The following ZFP28 variants were observed in gnomAD, a reference collection of about 807,000 sequenced individuals.
ZFP28 encodes zinc finger protein 28 homolog.
ZFP28 carries 31 observed loss-of-function variants against 39.5 expected under a neutral mutation model. The ratio of observed to expected loss-of-function variants is 0.79; its 90% CI spans 0.59 to 1.06. ZFP28 has a LOEUF of 1.06. Ranked by LOEUF, ZFP28 falls within the 50% of genes least tolerant of loss-of-function variation. The probability of loss-of-function intolerance (pLI) is 0.00; values close to 1 mark genes in which losing one functional copy is unlikely to be tolerated. For missense variants in ZFP28, 925 were observed against 1,048.4 expected, an observed-to-expected ratio of 0.88 and a Z score of 1.63; for synonymous variants, 400 against 378.6, an observed-to-expected ratio of 1.06 and a Z score of -0.66.
chr19:56,550,026 G>T lies in ZFP28; in HGVS notation c.688-41G>T. 1.9e-6 allele frequency: 3 copies of T among 1,542,866 alleles called. No individual in the cohort carries two copies. In the South Asian group the frequency reaches 3.6e-5, roughly 18 times the overall value. The stretch of plus-strand genomic sequence containing the variant: ...TCCCACTGAGACCAGGTGAGTTCAC[G>T]AACATGGTTTGATTTAAAAAACGTG... On this transcript the variant is annotated intron_variant, in intron 5 of 7. Transcript: ENST00000301318.
At chr19:56,545,995 ACAGT>A (rs2044238282) in intron 2 of ZFP28, 1 of 152,256 alleles carries the variant, frequency 6.6e-6, no homozygotes, top group African/African-American at 2.4e-5. Context: ...GAGAGTTATG[ACAGT>A]CAGCATCATT....
intron 7 of ZFP28, chr19:56,551,587 G>A (rs1185716017): frequency 5.1e-6 from 5 of 985,222 alleles, no homozygotes; most frequent in Non-Finnish European, 6.0e-6. Context: ...TCCTGGATAT[G>A]AGCACCTGCT....
chr19:56,553,749 A>G lies in ZFP28; in HGVS notation c.964A>G (p.Thr322Ala), dbSNP rs142256121. 1.1e-4 allele frequency: 178 copies of G among 1,614,152 alleles called. No homozygotes were observed. In the African/African-American group the frequency reaches 2.2e-3, roughly 20 times the overall value. Residue 322 changes from threonine (T) to alanine (A), a missense_variant, in exon 8 of 8, where the codon ACA (threonine) becomes GCA (alanine). Thr to Ala is a moderately conservative substitution (Grantham distance 58, BLOSUM62 0). This residue lies in a region of ZFP28 where 556 missense variants were observed against 542.9 expected (regional missense o/e 1.02). Coordinates refer to ENST00000301318, the MANE Select transcript of ZFP28 (RefSeq NM_020828.2). ...GCAAGATTCATATGCTGAAGGGGTA[A>G]CAGACAGAACCTCAAACACTAAACT... ...PKQDSYAEGV[T>A]DRTSNTKLDC...
At chr19:56,543,672 A>C (rs900925322) in intron 2 of ZFP28, among the ~76,000 whole-genome samples, 1 of 152,192 alleles carries the variant, frequency 6.6e-6, no homozygotes, top group South Asian at 2.1e-4. Context: ...AAAAATGTGA[A>C]ACCCATTTTG....
chr19:56,539,237 C>A lies in ZFP28; in HGVS notation c.208+11C>A. On this transcript the variant is annotated intron_variant, in intron 1 of 7. Coordinates refer to ENST00000301318, the MANE Select transcript of ZFP28 (RefSeq NM_020828.2). Reference sequence around the variant, plus strand: ...GGCCTGGGCACAGAGGTGAGAGTGACAGGTGTTTGGGGCCGAGCGGACAGG... The same window carrying A: ...GGCCTGGGCACAGAGGTGAGAGTGAAAGGTGTTTGGGGCCGAGCGGACAGG... 1 of 1,588,338 alleles carries A rather than the reference C, an allele frequency of 6.3e-7. No individual in the cohort carries two copies. Among genetic ancestry groups the A allele is most frequent in the African/African-American group, 1.3e-5 (1 of 74,602 alleles).
upstream of ZFP28, chr19:56,538,120 G>A (rs781698371): frequency 2.6e-5 from 4 of 152,250 alleles, no homozygotes; most frequent in Non-Finnish European, 5.9e-5. Context: ...CAAATACATA[G>A]GTTACAAAAT....
chr19:56,550,611 T>C lies in ZFP28; in HGVS notation c.898+6T>C. 1 of 1,613,854 alleles carries C rather than the reference T, an allele frequency of 6.2e-7. No homozygotes were observed. Among genetic ancestry groups the C allele is most frequent in the Non-Finnish European group, 8.5e-7 (1 of 1,179,836 alleles). On this transcript the variant is annotated splice_donor_region_variant and intron_variant, in intron 7 of 7. Transcript: ENST00000301318. The stretch of plus-strand genomic sequence containing the variant: ...GACAGGAAGCCTGTTCTCAGGTGAG[T>C]GCAGGAGAGCCTGGTGTGGAAAATC...
Position 56,539,040 on chromosome 19 carries a change from A to G in ZFP28, c.22A>G (p.Ser8Gly). MRGAASA[S>G]VREPTPLPGR... The stretch of plus-strand genomic sequence containing the variant: ...TGACATGCGGGGGGCGGCGAGCGCG[A>G]GTGTCCGCGAGCCGACGCCGCTCCC... Residue 8 changes from serine (S) to glycine (G), a missense_variant, in exon 1 of 8, where the codon AGT (serine) becomes GGT (glycine). Ser to Gly is a moderately conservative substitution (Grantham distance 56, BLOSUM62 0). Around this residue, in one of 2 missense-constraint regions of ZFP28, gnomAD observed 556 missense variants for 542.9 expected, o/e 1.02. Coordinates refer to ENST00000301318, the MANE Select transcript of ZFP28 (RefSeq NM_020828.2). 1 of 1,340,406 alleles carries G rather than the reference A, an allele frequency of 7.5e-7. No individual in the cohort carries two copies. The highest frequency in any genetic ancestry group is 9.9e-7 in the Non-Finnish European group (1 of 1,009,822). The allele number at this position is 1,340,406 out of a possible 1,614,324, so 83.0% of individuals were successfully genotyped here.
At position 56,539,154 on chromosome 19, in the gene ZFP28, A is replaced by T. The variant is rs777607096; in HGVS notation, c.136A>T (p.Arg46Trp). The T allele has an allele frequency of 3.1e-6, 5 of 1,598,832 alleles. 1 individual carries two copies. In the South Asian group the frequency reaches 5.6e-5, roughly 18 times the overall value. The change falls in exon 1 of 8, where the codon AGG (arginine) becomes TGG (tryptophan). Residue 46 changes from arginine (R) to tryptophan (W), a missense_variant. This residue lies in a region of ZFP28 where 556 missense variants were observed against 542.9 expected (regional missense o/e 1.02). Transcript: ENST00000301318. ...CACCTTGGCCCTCCCTGCCCGGGGAAGGCCGCGCTCAAGGAATGGCCTCGC... is the reference window on the plus strand; with the variant it reads ...CACCTTGGCCCTCCCTGCCCGGGGATGGCCGCGCTCAAGGAATGGCCTCGC... ...PATLALPARG[R>W]PRSRNGLASK...
chr19:56,551,477 G>A (rs1454540451), intron 7 of ZFP28: 4 of 984,928 alleles, frequency 4.1e-6, no homozygotes, highest in African/African-American at 3.5e-5. Context: ...ATATACCATT[G>A]CTCACTTAGG....
chr19:56,547,677 G>T lies in ZFP28; in HGVS notation c.427+43G>T. The T allele has an allele frequency of 7.5e-7, 1 of 1,337,638 alleles. No homozygotes were observed. The highest frequency in any genetic ancestry group is 1.0e-6 in the Non-Finnish European group (1 of 969,216). 82.9% of individuals were successfully genotyped at this position (1,337,638 alleles called of 1,614,324 possible). A position where few individuals can be genotyped will look rare whatever the true frequency, so the allele number is the denominator to read the frequency against. ...TTTTCCCACCCCTCACCCTACCCAC[G>T]TCCTGGACTAAGAAGCCTTTCATGC... On this transcript the variant is annotated intron_variant, in intron 3 of 7. Transcript: ENST00000301318. This position sits in a 1 kb window ranked among gnomAD's most constrained non-coding sequence, Gnocchi z 4.6.
rs573372982 is a variant in ZFP28 at position 56,555,102 on chromosome 19, A to G, written c.2317A>G (p.Ser773Gly). 1.2e-6 allele frequency: 2 copies of G among 1,614,232 alleles called. No individual in the cohort carries two copies. The highest frequency in any genetic ancestry group is 1.1e-5 in the South Asian group (1 of 91,092). Residue 773 changes from serine (S) to glycine (G), a missense_variant, in exon 8 of 8, where the codon AGT becomes GGT. Ser to Gly is a moderately conservative substitution (Grantham distance 56). Around this residue, in one of 2 missense-constraint regions of ZFP28, gnomAD observed 369 missense variants for 505.5 expected, o/e 0.73. Transcript: ENST00000301318. ...GKAFSHRQSL[S>G]VHQRIHSGKK... ...AGCCTTTAGTCATCGTCAATCCCTT[A>G]GTGTACATCAGAGAATCCATTCTGG...
Position 56,539,082 on chromosome 19 carries a change from C to A in ZFP28, c.64C>A (p.Arg22Ser), listed in dbSNP as rs746962089. 3 of 1,533,100 alleles carry A rather than the reference C, an allele frequency of 2.0e-6. No homozygotes were observed. Among genetic ancestry groups the A allele is most frequent in the African/African-American group, 1.4e-5 (1 of 72,484 alleles). The allele number at this position is 1,533,100 out of a possible 1,614,324, so 95.0% of individuals were successfully genotyped here. ...PTPLPGRGAP[R>S]TKPRAGRGPT... ...GCCGCTCCCGGGTAGAGGCGCCCCC[C>A]GCACAAAGCCCCGGGCGGGCCGAGG... Residue 22 changes from arginine (R) to serine (S), a missense_variant, in exon 1 of 8, where the codon CGC becomes AGC. This residue lies in a region of ZFP28 where 556 missense variants were observed against 542.9 expected (regional missense o/e 1.02). Coordinates refer to ENST00000301318, the MANE Select transcript of ZFP28 (RefSeq NM_020828.2).
Position 56,555,306 on chromosome 19 carries a change from A to G in ZFP28, c.2521A>G (p.Thr841Ala), listed in dbSNP as rs140889212. The G allele has an allele frequency of 5.5e-5, 88 of 1,614,176 alleles. No individual in the cohort carries two copies. The African/African-American group carries it at 1.0e-3, about 18-fold the overall frequency. The change falls in exon 8 of 8, where the codon ACA (threonine) becomes GCA (alanine). Residue 841 changes from threonine to alanine, a missense_variant. Coordinates refer to ENST00000301318, the MANE Select transcript of ZFP28 (RefSeq NM_020828.2). ...GCGAATTCATACTGGAGAGTCGTCA[A>G]CATGCCCCTCTTTACCTTCCACGTC... Reference protein sequence around the residue: ...HQRIHTGESSTCPSLPSTSNP... With the variant: ...HQRIHTGESSACPSLPSTSNP...
At chr19:56,544,799 A>G (rs1209486639) in intron 2 of ZFP28, 3 of 152,264 alleles carry the variant, frequency 2.0e-5, no homozygotes, top group African/African-American at 7.2e-5. Flanking sequence ...TGTTATTTAC[A>G]GTAAAAGACA....
At position 56,554,092 on chromosome 19, in the gene ZFP28, C is replaced by T. The variant is rs2044328221; in HGVS notation, c.1307C>T (p.Thr436Ile). 6.2e-7 allele frequency: 1 copy of T among 1,614,108 alleles called. No homozygotes were observed. Among genetic ancestry groups the T allele is most frequent in the Non-Finnish European group, 8.5e-7 (1 of 1,180,050 alleles). Residue 436 changes from threonine (T) to isoleucine (I), a missense_variant, in exon 8 of 8, where the codon ACT (threonine) becomes ATT (isoleucine). Physicochemically the swap from Thr to Ile is moderately conservative, Grantham distance 89. Coordinates refer to ENST00000301318, the MANE Select transcript of ZFP28 (RefSeq NM_020828.2). The surrounding 1 kb of genome is among the most constrained non-coding windows in gnomAD (Gnocchi z 6.7). The stretch of plus-strand genomic sequence containing the variant: ...ACTTTTACCCAGAGCTCATCTCTTA[C>T]TGTTCATCAGAGAATTCACACTGGA... ...KKTFTQSSSL[T>I]VHQRIHTGEK...
rs1568486981 is a variant in ZFP28, at chr19:56,550,664, C to T, written c.898+59C>T. 2.5e-6 allele frequency: 4 copies of T among 1,609,162 alleles called. No individual in the cohort carries two copies. In the African/African-American group the frequency reaches 5.3e-5, roughly 21 times the overall value. ...CTGCAAGAGAGAGCGGAGCTTTTAC[C>T]AAAAAGGCTGCATCCTCACTAATAT... On this transcript the variant is annotated intron_variant, in intron 7 of 7. Transcript: ENST00000301318.
chr19:56,537,671 C>CG (rs1285596350), upstream of ZFP28: 1 of 152,230 alleles, frequency 6.6e-6, no homozygotes, highest in African/African-American at 2.4e-5. Context: ...CTGCAGCTTG[C>CG]GGCTTTCAGT....
Position 56,553,996 on chromosome 19 carries a change from G to A in ZFP28, c.1211G>A (p.Ser404Asn). 1.2e-6 allele frequency: 2 copies of A among 1,611,648 alleles called. No individual in the cohort carries two copies. The highest frequency in any genetic ancestry group is 1.7e-6 in the Non-Finnish European group (2 of 1,179,430). The change falls in exon 8 of 8, where the codon AGT becomes AAT. Residue 404 changes from serine to asparagine, a missense_variant. This residue lies in a region of ZFP28 where 556 missense variants were observed against 542.9 expected (regional missense o/e 1.02). Coordinates refer to ENST00000301318, the MANE Select transcript of ZFP28 (RefSeq NM_020828.2). Reference sequence around the variant, plus strand: ...GATTCAATTAAAAATTTTCAAAAAAGTTCAGTGGTAATAAAACAAACAGGC... The same window carrying A: ...GATTCAATTAAAAATTTTCAAAAAAATTCAGTGGTAATAAAACAAACAGGC... ...NRDSIKNFQKSSVVIKQTGIY... is the reference protein window; with the variant it reads ...NRDSIKNFQKNSVVIKQTGIY...
Sources: gnomAD v4.1 joint callset for allele counts (sites outside exome capture counted in the v4.1 genomes callset) on GRCh38, gnomAD v4.1.1 for gene constraint, gnomAD v4.1.1 regional missense constraint, Gnocchi (gnomAD v3.1) non-coding constraint, MANE v1.5 for transcripts, NCBI Gene and HGNC (gene_info 2026-07-23, HGNC 2026-07-21) for gene names.